SND1: variants seen among roughly 807,000 people sequenced by gnomAD.
The protein encoded by SND1 is staphylococcal nuclease and tudor domain containing 1, also known as staphylococcal nuclease domain-containing protein 1.
In SND1, 38 loss-of-function variants were observed where a neutral mutation model predicts 121.7. That is an observed-to-expected ratio of 0.31 (90% CI 0.24 to 0.41). The LOEUF (loss-of-function observed/expected upper bound fraction) is 0.41, where lower values mean the gene tolerates loss of function less well. Ranked by LOEUF, SND1 falls within the 10% of genes least tolerant of loss-of-function variation. The pLI, the probability that SND1 is intolerant of heterozygous loss-of-function variation, is 1.00. For synonymous variants in SND1, 401 were observed against 447.4 expected (o/e 0.90, Z 1.31); for missense variants, 868 against 1,184.6 (o/e 0.73, Z 3.92).
At chr7:127,805,863 G>A (rs325439) in intron 10 of SND1, among the ~76,000 whole-genome samples, 8,365 of 152,180 alleles carry the variant, frequency 0.055, 672 homozygotes, top group African/African-American at 0.17. Flanking sequence ...GTACATCTAG[G>A]GTAGGGGTTA....
intron 10 of SND1, among the ~76,000 whole-genome samples, chr7:127,778,820 T>C (rs1303660480): frequency 1.3e-5 from 2 of 152,194 alleles, no homozygotes; most frequent in Non-Finnish European, 2.9e-5. Flanking sequence ...CTTTAGATCC[T>C]TAACTAAGAA....
At chr7:127,785,330 A>G (rs894325634) in intron 10 of SND1, among the ~76,000 whole-genome samples, 19 of 152,214 alleles carry the variant, frequency 1.2e-4, no homozygotes, top group African/African-American at 4.3e-4. Context: ...AGATTTTTTA[A>G]TAACTGCTTG....
At chr7:128,033,610 G>T (rs1792692483) in intron 16 of SND1, among the ~76,000 whole-genome samples, 1 of 152,164 alleles carries the variant, frequency 6.6e-6, no homozygotes, top group African/African-American at 2.4e-5. Context: ...TCCTGGAAAC[G>T]GTTCCTTTGT....
chr7:127,860,739 G>C (rs1282836129), intron 12 of SND1, among the ~76,000 whole-genome samples: 1 of 152,130 alleles, frequency 6.6e-6, no homozygotes, highest in Non-Finnish European at 1.5e-5. Context: ...CTCTTTTGTT[G>C]CCTCTCTTAT....
chr7:127,903,717 A>G (rs1438435399), intron 13 of SND1, among the ~76,000 whole-genome samples: 1 of 152,198 alleles, frequency 6.6e-6, no homozygotes, highest in Non-Finnish European at 1.5e-5. Context: ...TAACCCCTGC[A>G]GAAGTGTGTC....
intron 10 of SND1, among the ~76,000 whole-genome samples, chr7:127,729,458 T>G (rs1354276575): frequency 1.0e-4 from 15 of 150,752 alleles, no homozygotes; most frequent in Non-Finnish European, 2.1e-4. Flanking sequence ...TTTTTTTTTT[T>G]TTTTACATAA....
intron 12 of SND1, among the ~76,000 whole-genome samples, chr7:127,869,166 G>C (rs780289718): frequency 6.6e-5 from 10 of 152,132 alleles, no homozygotes; most frequent in African/African-American, 1.9e-4. Flanking sequence ...AAGGTATCAG[G>C]AGCAAGGACC....
At chr7:127,709,268 G>T (rs1194114780) in intron 9 of SND1, among the ~76,000 whole-genome samples, 1 of 152,206 alleles carries the variant, frequency 6.6e-6, no homozygotes, top group Non-Finnish European at 1.5e-5. Flanking sequence ...CCCGTAGTTA[G>T]CATAGCTGTG....
intron 15 of SND1, among the ~76,000 whole-genome samples, chr7:127,989,720 C>A (rs545389109): frequency 1.3e-5 from 2 of 152,208 alleles, no homozygotes; most frequent in Non-Finnish European, 2.9e-5. Flanking sequence ...TCCCCCAGAT[C>A]TTCATCATTT....
At chr7:127,652,685 C>T (rs1185877115) in intron 1 of SND1, among the ~76,000 whole-genome samples, 9 of 152,312 alleles carry the variant, frequency 5.9e-5, no homozygotes, top group South Asian at 2.1e-4. Flanking sequence ...TCCGAGGTTG[C>T]GGCATTCGGA....
At chr7:127,925,914 C>CT (rs945882709) in intron 14 of SND1, among the ~76,000 whole-genome samples, 88 of 145,098 alleles carry the variant, frequency 6.1e-4, no homozygotes, top group Middle Eastern at 3.5e-3. Context: ...TTTCTTTTTT[C>CT]TTTTTTTTTT....
At chr7:127,993,386 G>A (rs1802564579) in intron 16 of SND1, among the ~76,000 whole-genome samples, 1 of 152,220 alleles carries the variant, frequency 6.6e-6, no homozygotes. Context: ...GAAGAGGAAA[G>A]TCCCAGTACA....
chr7:127,743,676 A>T (rs1407503721), intron 10 of SND1, among the ~76,000 whole-genome samples: 1 of 152,200 alleles, frequency 6.6e-6, no homozygotes, highest in African/African-American at 2.4e-5. Context: ...TGGTCACCTT[A>T]TTCCTTAGGA....
rs940438089 is a variant in SND1 at position 127,740,429 on chromosome 7, A to G, written c.1152+19029A>G. ...AAGCCATGAACTCATCAGTGTCTCA[A>G]CTCCACAAAATTAGAGTCCCCAAAG... On this transcript the variant is annotated intron_variant, in intron 10 of 23. Transcript: ENST00000354725. Among the ~76,000 whole-genome samples, 10 of 152,218 alleles carry G rather than the reference A, an allele frequency of 6.6e-5. No individual in the cohort carries two copies. The South Asian group carries it at 1.9e-3, about 28-fold the overall frequency.
intron 12 of SND1, among the ~76,000 whole-genome samples, chr7:127,861,954 T>C (rs4473953): frequency 0.21 from 31,774 of 152,216 alleles, 3,941 homozygotes; most frequent in African/African-American, 0.35. Flanking sequence ...AACACATTTG[T>C]TGAAGACTTT....
At chr7:127,738,286 CT>C (rs889082580) in intron 10 of SND1, among the ~76,000 whole-genome samples, 148 of 122,628 alleles carry the variant, frequency 1.2e-3, no homozygotes, top group East Asian at 2.9e-3. Context: ...TTTTTTTTTT[CT>C]TTTTTTTTTT....
intron 16 of SND1, among the ~76,000 whole-genome samples, chr7:128,021,427 C>G (rs1803346467): frequency 6.6e-6 from 1 of 152,206 alleles, no homozygotes; most frequent in Non-Finnish European, 1.5e-5. Context: ...ATAACTCATT[C>G]AGTTCACCTG....
At chr7:127,764,949 G>GTT (rs531567797) in intron 10 of SND1, among the ~76,000 whole-genome samples, 5 of 152,298 alleles carry the variant, frequency 3.3e-5, no homozygotes, top group African/African-American at 1.2e-4. Context: ...ATTGCAGATG[G>GTT]TTTCCCCCTT....
intron 10 of SND1, among the ~76,000 whole-genome samples, chr7:127,723,860 A>G (rs1796538621): frequency 6.6e-6 from 1 of 152,250 alleles, no homozygotes. Context: ...CTTATATCCA[A>G]ATTATTATAT....
Sources: gnomAD v4.1 joint callset for allele counts (sites outside exome capture counted in the v4.1 genomes callset) on GRCh38, gnomAD v4.1.1 for gene constraint, MANE v1.5 for transcripts, NCBI Gene and HGNC (gene_info 2026-07-23, HGNC 2026-07-21) for gene names.